Variants in MIR17HG observed in about 807,000 individuals in gnomAD.
MIR17HG encodes MIR17 host gene (non-protein coding).
intron 1 of MIR17HG, among the ~76,000 whole-genome samples, chr13:91,348,538 G>C (rs1458188834): frequency 6.6e-6 from 1 of 151,416 alleles, no homozygotes; most frequent in East Asian, 1.9e-4. Context: ...TTGTACGCGC[G>C]AGGGTGGGCG....
chr13:91,349,376 GGCT>G (rs1393671000), intron 1 of MIR17HG, among the ~76,000 whole-genome samples: 3 of 152,104 alleles, frequency 2.0e-5, no homozygotes, highest in Non-Finnish European at 4.4e-5. Flanking sequence ...ATAGTCTGTG[GGCT>G]GCTTTTTTTT....
At chr13:91,352,815 T>C (rs1734336939) in intron 3 of MIR17HG, among the ~76,000 whole-genome samples, 1 of 152,140 alleles carries the variant, frequency 6.6e-6, no homozygotes, top group South Asian at 2.1e-4. Flanking sequence ...CAAACTATGC[T>C]TAAAAAGTTC....
chr13:91,354,575 T>C (rs1875480476), exon 4 of MIR17HG: 1 of 152,190 alleles, frequency 6.6e-6, no homozygotes, highest in Non-Finnish European at 1.5e-5. Flanking sequence ...AACTTCAAGG[T>C]TATTATCGCA....
intron 3 of MIR17HG, chr13:91,350,882 T>TAA: frequency 1.9e-6 from 1 of 534,668 alleles, no homozygotes; most frequent in South Asian, 1.4e-5. Context: ...GTTTTAATAG[T>TAA]TTTTGTTTGC....
exon 1 of MIR17HG, chr13:91,347,848 G>C (rs1875037707): frequency 6.7e-6 from 1 of 150,330 alleles, no homozygotes; most frequent in Non-Finnish European, 1.5e-5. Context: ...CGGGCCGGCC[G>C]GCCGCACCCC....
At chr13:91,348,108 C>G (rs1875054514) in intron 1 of MIR17HG, 1 of 137,070 alleles carries the variant, frequency 7.3e-6, no homozygotes, top group Non-Finnish European at 1.6e-5. Context: ...CGTTGGCCGC[C>G]CCGGCGTGTG....
intron 3 of MIR17HG, among the ~76,000 whole-genome samples, chr13:91,353,297 C>A (rs1007207460): frequency 1.3e-5 from 2 of 152,050 alleles, no homozygotes; most frequent in African/African-American, 4.8e-5. Context: ...ATAACAAAGA[C>A]TTAAATGGCT....
chr13:91,347,691 AC>A (rs1233670170), upstream of MIR17HG: 1 of 151,764 alleles, frequency 6.6e-6, no homozygotes, highest in Non-Finnish European at 1.5e-5. Context: ...CCCTTCATTC[AC>A]CCACATGGTC....
chr13:91,353,411 G>A (rs1875425894), intron 3 of MIR17HG, among the ~76,000 whole-genome samples: 1 of 152,164 alleles, frequency 6.6e-6, no homozygotes, highest in Non-Finnish European at 1.5e-5. Flanking sequence ...TGTATGTTTT[G>A]TTGTGGGTTT....
At chr13:91,351,167 C>T (rs745728027) in intron 3 of MIR17HG, 1 of 525,406 alleles carries the variant, frequency 1.9e-6, no homozygotes, top group Non-Finnish European at 4.0e-6. Context: ...GGCCTGTCGC[C>T]CAATCAAACT....
chr13:91,348,801 G>C (rs1875106139), intron 1 of MIR17HG, among the ~76,000 whole-genome samples: 1 of 150,040 alleles, frequency 6.7e-6, no homozygotes, highest in Admixed American at 6.6e-5. Flanking sequence ...CGGGCTGCAC[G>C]GGGGTGAGGG....
intron 3 of MIR17HG, chr13:91,351,556 G>T: frequency 3.0e-6 from 1 of 333,876 alleles, no homozygotes; most frequent in South Asian, 2.5e-5. Flanking sequence ...TTGGGGTTGC[G>T]TGTCAGATTT....
intron 3 of MIR17HG, chr13:91,351,014 TTTA>T (rs754355949): frequency 3.8e-6 from 2 of 528,924 alleles, no homozygotes; most frequent in Middle Eastern, 3.2e-4. Context: ...TTTGTGTACT[TTTA>T]TTGTGTCGAT....
chr13:91,348,335 G>C (rs1185189253), intron 1 of MIR17HG, among the ~76,000 whole-genome samples: 3 of 150,284 alleles, frequency 2.0e-5, no homozygotes, highest in Non-Finnish European at 4.5e-5. Flanking sequence ...CCGGGGCCCG[G>C]GGCGCGCGCG....
chr13:91,351,236 A>T (rs776965935), intron 3 of MIR17HG: 2 of 530,752 alleles, frequency 3.8e-6, no homozygotes, highest in East Asian at 1.1e-4. Flanking sequence ...CAGCTGTGTG[A>T]TATTCTGCTG....
intron 3 of MIR17HG, chr13:91,351,215 AG>A: frequency 1.9e-6 from 1 of 527,574 alleles, no homozygotes; most frequent in African/African-American, 1.9e-5. Context: ...TTAGTTTTGC[AG>A]GTTTGCATCC....
intron 3 of MIR17HG, among the ~76,000 whole-genome samples, chr13:91,352,852 T>C (rs999413159): frequency 2.0e-5 from 3 of 152,140 alleles, no homozygotes; most frequent in African/African-American, 7.2e-5. Context: ...CTCACACCTA[T>C]AATCCTAGCA....
chr13:91,351,046 A>G (rs150870214), intron 3 of MIR17HG: 2 of 526,484 alleles, frequency 3.8e-6, no homozygotes, highest in Admixed American at 1.9e-5. Flanking sequence ...TGCCTGGTCT[A>G]TCTGATGTGA....
At chr13:91,349,979 T>C (rs1875211656) in intron 2 of MIR17HG, 1 of 152,404 alleles carries the variant, frequency 6.6e-6, no homozygotes, top group Non-Finnish European at 1.5e-5. Context: ...TGTACATTTT[T>C]GGAAACTGGC....
Sources: allele counts gnomAD v4.1 joint callset (sites outside exome capture counted in the v4.1 genomes callset), GRCh38; gene constraint gnomAD v4.1.1; transcripts MANE v1.5; gene names NCBI Gene and HGNC (gene_info 2026-07-23, HGNC 2026-07-21).